The following SEPTIN10 variants were observed in gnomAD, a reference collection of about 807,000 sequenced individuals.
The protein encoded by SEPTIN10 is septin 10.
SEPTIN10 carries 66 observed loss-of-function variants against 54.8 expected under a neutral mutation model. The ratio of observed to expected loss-of-function variants is 1.21; its 90% CI spans 0.99 to 1.48. The LOEUF is 1.48. Among genes scored for constraint, SEPTIN10 ranks in the 40% most tolerant of loss-of-function variants. The pLI is 0.00. For synonymous variants in SEPTIN10, 161 were observed against 181.0 expected (o/e 0.89, Z 0.89); for missense variants, 620 against 545.6 (o/e 1.14, Z -1.36).
At chr2:109,590,023 CACACACATATAT>C (rs1453900970) in intron 2 of SEPTIN10, among the ~76,000 whole-genome samples, 2 of 149,164 alleles carry the variant, frequency 1.3e-5, no homozygotes, top group East Asian at 2.0e-4. Context: ...TATATATATA[CACACACATATAT>C]ACACACATAT....
At chr2:109,609,157 A>T (rs1698672191) in intron 1 of SEPTIN10, among the ~76,000 whole-genome samples, 1 of 152,222 alleles carries the variant, frequency 6.6e-6, no homozygotes, top group African/African-American at 2.4e-5. Flanking sequence ...GCCTAGGGAA[A>T]GTGGGGCTTC....
intron 8 of SEPTIN10, among the ~76,000 whole-genome samples, chr2:109,563,854 C>T (rs1686265661): frequency 6.6e-6 from 1 of 152,080 alleles, no homozygotes; most frequent in African/African-American, 2.4e-5. Flanking sequence ...GGTATGGAGG[C>T]TCACATTTGT....
In SEPTIN10 at chr2:109,567,957, A is replaced by G; in HGVS notation, c.620T>C (p.Ile207Thr). Residue 207 changes from isoleucine to threonine, a missense_variant, in exon 6 of 11, where the codon ATT (isoleucine) becomes ACT (threonine). By Grantham distance (89) the Ile-to-Thr change is moderately conservative. Transcript: ENST00000397712. ...LDSKVNIIPVIAKADTVSKTE... is the reference protein window; with the variant it reads ...LDSKVNIIPVTAKADTVSKTE... Reference sequence around the variant, plus strand: ...TTTAGAAACCGTATCTGCTTTGGCAATCACTGGTATAATGTTTACCTATTA... The same window carrying G: ...TTTAGAAACCGTATCTGCTTTGGCAGTCACTGGTATAATGTTTACCTATTA... 3.1e-6 allele frequency: 5 copies of G among 1,611,546 alleles called. No individual in the cohort carries two copies. Among genetic ancestry groups the G allele is most frequent in the Middle Eastern group, 1.7e-4 (1 of 6,050 alleles).
In SEPTIN10 at chr2:109,613,894, G is replaced by A. The variant is rs1300764710; in HGVS notation, c.-67C>T. 4.3e-5 allele frequency: 53 copies of A among 1,229,510 alleles called. No individual in the cohort carries two copies. Among genetic ancestry groups the A allele is most frequent in the Non-Finnish European group, 5.2e-5 (51 of 986,788 alleles). The allele number at this position is 1,229,510 out of a possible 1,614,324, so 76.2% of individuals were successfully genotyped here. A position where few individuals can be genotyped will look rare whatever the true frequency, so the allele number is the denominator to read the frequency against. ...GCCCCGAGCGGCTGGTCCCGGCGAC[G>A]GCGGCGGGAAGGCCGGAGGGCAGAA... On this transcript the variant is annotated 5_prime_UTR_variant, in exon 1 of 11. Coordinates refer to ENST00000397712, the MANE Select transcript of SEPTIN10 (RefSeq NM_144710.5).
chr2:109,583,618 C>A (rs578097750), intron 4 of SEPTIN10, among the ~76,000 whole-genome samples: 2 of 152,328 alleles, frequency 1.3e-5, no homozygotes, highest in African/African-American at 4.8e-5. Context: ...TACCATTCGA[C>A]CCAGCTATTC....
intron 9 of SEPTIN10, among the ~76,000 whole-genome samples, chr2:109,550,294 A>G (rs571629650): frequency 6.6e-6 from 1 of 151,668 alleles, no homozygotes; most frequent in African/African-American, 2.4e-5. Context: ...CAGTCTCAAA[A>G]AACAAAAAAA....
In SEPTIN10 at chr2:109,613,808, G is replaced by T. The variant is rs1317852625; in HGVS notation, c.20C>A (p.Ala7Glu). Residue 7 changes from alanine (A) to glutamate (E), a missense_variant, in exon 1 of 11, where the codon GCG becomes GAG. Transcript: ENST00000397712. ...GTCGGCGGGACTCACCAGGTGCCGC[G>T]CCACCTCGGAGGAGGCCATGGTCGC... MASSEV[A>E]RHLLFQSHMA... is the part of the protein sequence containing the mutation. 6 of 1,232,960 alleles carry T rather than the reference G, an allele frequency of 4.9e-6. No individual in the cohort carries two copies. The East Asian group carries it at 1.6e-4, about 33-fold the overall frequency. The allele number at this position is 1,232,960 out of a possible 1,614,324, so 76.4% of individuals were successfully genotyped here.
At chr2:109,604,524 G>A (rs933583911) in intron 1 of SEPTIN10, among the ~76,000 whole-genome samples, 4 of 151,902 alleles carry the variant, frequency 2.6e-5, no homozygotes, top group Non-Finnish European at 4.4e-5. Context: ...TCAGGAGATC[G>A]AGACCATCCT....
intron 8 of SEPTIN10, among the ~76,000 whole-genome samples, 199 bp from the exon 9 acceptor site, chr2:109,553,418 C>T (rs1328915371): frequency 6.6e-6 from 1 of 151,510 alleles, no homozygotes; most frequent in Non-Finnish European, 1.5e-5. Context: ...ATAGCAGGTG[C>T]CTGTAATCCC....
intron 8 of SEPTIN10, among the ~76,000 whole-genome samples, chr2:109,558,571 TAAGATCAGTTAATTAA>T (rs1254284098): frequency 6.6e-6 from 1 of 152,194 alleles, no homozygotes. Context: ...TATAAAATGT[TAAGATCAGTTAATTAA>T]ACTATGACTA....
Position 109,564,519 on chromosome 2 carries a change from T to G in SEPTIN10, c.875A>C (p.His292Pro). 6.6e-7 allele frequency: 1 copy of G among 1,517,608 alleles called. No individual in the cohort carries two copies. The highest frequency in any genetic ancestry group is 8.9e-7 in the Non-Finnish European group (1 of 1,125,864). The allele number at this position is 1,517,608 out of a possible 1,614,324, so 94.0% of individuals were successfully genotyped here. A position where few individuals can be genotyped will look rare whatever the true frequency, so the allele number is the denominator to read the frequency against. The part of the protein sequence containing the change: ...WGVVQVENEN[H>P]CDFVKLREML... ...TTCCCGCAGCTTTACAAAGTCACAG[T>G]GGTTTTCATTTTCCACTAGCCAAAA... The change falls in exon 8 of 11, where the codon CAC (histidine) becomes CCC (proline). Residue 292 changes from histidine to proline, a missense_variant. Coordinates refer to ENST00000397712, the MANE Select transcript of SEPTIN10 (RefSeq NM_144710.5).
At chr2:109,577,670 T>C (rs991165231) in intron 4 of SEPTIN10, among the ~76,000 whole-genome samples, 1 of 151,696 alleles carries the variant, frequency 6.6e-6, no homozygotes, top group African/African-American at 2.4e-5. Context: ...CCCAGCACTT[T>C]GGGAGGCCAA....
rs1428610757 is a variant in SEPTIN10 at position 109,553,111 on chromosome 2, G to A, written c.1137C>T (p.Ala379=). Residue 379 remains alanine (A), a synonymous_variant, in exon 9 of 11, where the codon GCC becomes GCT. Transcript: ENST00000397712. The part of the protein sequence containing the change: ...MFVQRVKEKE[A]ILKEAERELQ... ...CCTCTCTCTCAGCTTCTTTCAATAT[G>A]GCTTCTTTCTCCTTTACTCGCTGCA... is the stretch of plus-strand genomic sequence containing the variant. 6.2e-7 allele frequency: 1 copy of A among 1,612,866 alleles called. No individual in the cohort carries two copies. Among genetic ancestry groups the A allele is most frequent in the East Asian group, 2.2e-5 (1 of 44,882 alleles).
intron 4 of SEPTIN10, among the ~76,000 whole-genome samples, chr2:109,581,565 T>C (rs111625245): frequency 1.3e-5 from 2 of 151,580 alleles, no homozygotes; most frequent in African/African-American, 4.8e-5. Flanking sequence ...GTGGCTCCTC[T>C]GGGGGAAGAA....
intron 1 of SEPTIN10, among the ~76,000 whole-genome samples, chr2:109,599,284 CCTCT>C (rs1182309513): frequency 6.6e-6 from 1 of 151,880 alleles, no homozygotes; most frequent in East Asian, 1.9e-4. Context: ...ATGGTGAAAC[CCTCT>C]CTCTACTAAA....
intron 8 of SEPTIN10, among the ~76,000 whole-genome samples, chr2:109,559,933 T>G (rs1302081793): frequency 7.2e-6 from 1 of 138,758 alleles, no homozygotes; most frequent in Non-Finnish European, 1.6e-5. Flanking sequence ...TTTTTTTTTG[T>G]CTTTTAAGAT....
rs1377822596 is a variant in SEPTIN10, at chr2:109,613,909, G to T, written c.-82C>A. 3.3e-6 allele frequency: 4 copies of T among 1,227,770 alleles called. No individual in the cohort carries two copies. The African/African-American group carries it at 6.2e-5, about 19-fold the overall frequency. The allele number at this position is 1,227,770 out of a possible 1,614,324, so 76.1% of individuals were successfully genotyped here. A position where few individuals can be genotyped will look rare whatever the true frequency, so the allele number is the denominator to read the frequency against. Reference sequence around the variant, plus strand: ...TCCCGGCGACGGCGGCGGGAAGGCCGGAGGGCAGAAGCAACGGGCGGGGCG... The same window carrying T: ...TCCCGGCGACGGCGGCGGGAAGGCCTGAGGGCAGAAGCAACGGGCGGGGCG... On this transcript the variant is annotated 5_prime_UTR_variant, in exon 1 of 11. Transcript: ENST00000397712.
rs776211168 is a variant in SEPTIN10, at chr2:109,564,441, T to C, written c.953A>G (p.His318Arg). ...EDLREQTHTR[H>R]YELYRRCKLE... Reference sequence around the variant, plus strand: ...TTTGCAGCGCCTGTAAAGCTCATAGTGCCTGGTATGGGTCTGCTCTCGCAG... The same window carrying C: ...TTTGCAGCGCCTGTAAAGCTCATAGCGCCTGGTATGGGTCTGCTCTCGCAG... The change falls in exon 8 of 11, where the codon CAC becomes CGC. Residue 318 changes from histidine (H) to arginine (R), a missense_variant. By Grantham distance (29) the His-to-Arg change is conservative. Coordinates refer to ENST00000397712, the MANE Select transcript of SEPTIN10 (RefSeq NM_144710.5). The C allele has an allele frequency of 1.3e-6, 2 of 1,599,470 alleles. No individual in the cohort carries two copies.
intron 1 of SEPTIN10, chr2:109,604,714 T>C (rs936167480): frequency 3.0e-5 from 4 of 132,604 alleles, no homozygotes; most frequent in Non-Finnish European, 6.5e-5. Context: ...AGAACGAGAC[T>C]CTGGGGAGGG....
Sources: gnomAD v4.1 joint callset for allele counts (sites outside exome capture counted in the v4.1 genomes callset) on GRCh38, gnomAD v4.1.1 for gene constraint, MANE v1.5 for transcripts, NCBI Gene and HGNC (gene_info 2026-07-23, HGNC 2026-07-21) for gene names.